CALN1: variants seen among roughly 807,000 people sequenced by gnomAD.
CALN1 encodes calneuron 1, also known as calcium-binding protein 8.
Under a neutral mutation model 30.6 loss-of-function variants are expected in CALN1, and 17 were observed. The ratio of observed to expected loss-of-function variants is 0.56; its 90% CI spans 0.38 to 0.83. The LOEUF (loss-of-function observed/expected upper bound fraction) is 0.83. Ranked by LOEUF, CALN1 falls within the 40% of genes least tolerant of loss-of-function variation. The probability of loss-of-function intolerance (pLI) is 0.00; values close to 1 mark genes in which losing one functional copy is unlikely to be tolerated. For missense variants in CALN1, 291 were observed against 354.9 expected, an observed-to-expected ratio of 0.82 and a Z score of 1.45; for synonymous variants, 156 against 131.4, an observed-to-expected ratio of 1.19 and a Z score of -1.28.
intron 5 of CALN1, among the ~76,000 whole-genome samples, chr7:71,974,260 C>T (rs1797990486): frequency 1.3e-5 from 2 of 151,740 alleles, no homozygotes; most frequent in East Asian, 3.9e-4. Context: ...TTTACTAAAA[C>T]TACAAAACTT....
intron 2 of CALN1, among the ~76,000 whole-genome samples, chr7:72,398,005 T>C (rs1319604626): frequency 1.3e-5 from 2 of 152,080 alleles, no homozygotes; most frequent in Admixed American, 6.6e-5. Context: ...TCGGCACCAC[T>C]GAAGTCCAGA....
intron 5 of CALN1, among the ~76,000 whole-genome samples, chr7:71,819,451 G>A (rs558742246): frequency 9.2e-5 from 14 of 152,170 alleles, no homozygotes; most frequent in African/African-American, 2.9e-4. Flanking sequence ...TGATCTGCCC[G>A]CCTTGGCCTC....
At chr7:72,377,593 ATTGT>A (rs559650307) in intron 2 of CALN1, among the ~76,000 whole-genome samples, 49 of 152,078 alleles carry the variant, frequency 3.2e-4, no homozygotes, top group South Asian at 1.0e-3. Context: ...TATTTTAGTT[ATTGT>A]TTGTTTGTTT....
intron 5 of CALN1, among the ~76,000 whole-genome samples, chr7:71,955,930 C>T (rs79577971): frequency 0.014 from 2,058 of 151,698 alleles, 30 homozygotes; most frequent in Middle Eastern, 0.031. Context: ...ATCTCAGAGC[C>T]GGCAGTTTCA....
chr7:72,073,128 A>G (rs1804512891), intron 4 of CALN1, among the ~76,000 whole-genome samples: 1 of 152,212 alleles, frequency 6.6e-6, no homozygotes, highest in African/African-American at 2.4e-5. Context: ...ATTTTATGAT[A>G]AGTGAAATAA....
chr7:72,235,740 C>A (rs1794435744), intron 3 of CALN1, among the ~76,000 whole-genome samples: 2 of 142,210 alleles, frequency 1.4e-5, no homozygotes, highest in African/African-American at 5.2e-5. Flanking sequence ...TGTTATTAAG[C>A]CTGTCAATCA....
intron 2 of CALN1, among the ~76,000 whole-genome samples, chr7:72,319,500 T>TG (rs1282794842): frequency 6.6e-6 from 1 of 152,048 alleles, no homozygotes; most frequent in African/African-American, 2.4e-5. Context: ...CCACAACATG[T>TG]GGGAATTCAA....
At chr7:72,260,802 TG>T (rs1796216257) in intron 3 of CALN1, among the ~76,000 whole-genome samples, 1 of 152,104 alleles carries the variant, frequency 6.6e-6, no homozygotes, top group African/African-American at 2.4e-5. Context: ...CAGCACCAGA[TG>T]GCAGAGAAGC....
chr7:72,185,007 G>A (rs1790079302), intron 3 of CALN1, among the ~76,000 whole-genome samples: 1 of 151,960 alleles, frequency 6.6e-6, no homozygotes, highest in South Asian at 2.1e-4. Context: ...GTCTCACTGT[G>A]TTGTCCAGGC....
intron 5 of CALN1, among the ~76,000 whole-genome samples, chr7:71,938,028 G>A (rs770140281): frequency 1.3e-5 from 2 of 152,180 alleles, no homozygotes; most frequent in Admixed American, 6.5e-5. Context: ...GACGTTTTAC[G>A]CAACATCTGG....
At chr7:72,088,996 G>A (rs564451335) in intron 4 of CALN1, among the ~76,000 whole-genome samples, 34 of 151,886 alleles carry the variant, frequency 2.2e-4, no homozygotes, top group Non-Finnish European at 4.4e-4. Flanking sequence ...TTAAAAATAA[G>A]AAACAGAAAA....
rs1373025288 is a variant in CALN1 at position 71,782,519 on chromosome 7, G to C, written c.*5256C>G. 3 of 152,134 alleles carry C rather than the reference G, an allele frequency of 2.0e-5. No individual in the cohort carries two copies. The East Asian group carries it at 5.8e-4, about 29-fold the overall frequency. The allele number at this position is 152,134 out of a possible 1,614,324, so 9.4% of individuals were successfully genotyped here. Reference sequence around the variant, plus strand: ...CCCAGTGTTAAGGTATTCCTTTATAGCAATGCAAAACGGACTAACATACAC... The same window carrying C: ...CCCAGTGTTAAGGTATTCCTTTATACCAATGCAAAACGGACTAACATACAC... On this transcript the variant is annotated 3_prime_UTR_variant, in exon 7 of 7. Coordinates refer to ENST00000395275, the MANE Select transcript of CALN1 (RefSeq NM_031468.4).
intron 3 of CALN1, among the ~76,000 whole-genome samples, chr7:72,112,306 T>C (rs983146280): frequency 6.6e-6 from 1 of 152,178 alleles, no homozygotes; most frequent in African/African-American, 2.4e-5. Context: ...CCACCTCAAA[T>C]TGGTAATGAA....
chr7:72,483,599 C>T, the CALN1 span, among the ~76,000 whole-genome samples: 1 of 152,118 alleles, frequency 6.6e-6, no homozygotes, highest in Non-Finnish European at 1.5e-5. Flanking sequence ...CCTGATGTTT[C>T]TTGTGCCTTG....
chr7:71,861,191 G>A (rs996327506), intron 5 of CALN1, among the ~76,000 whole-genome samples: 4 of 151,794 alleles, frequency 2.6e-5, no homozygotes, highest in African/African-American at 4.8e-5. Context: ...GTGTGTGTGT[G>A]CGTGTGTGTG....
At chr7:72,311,005 T>G (rs1208791037) in intron 2 of CALN1, among the ~76,000 whole-genome samples, 1 of 151,986 alleles carries the variant, frequency 6.6e-6, no homozygotes, top group Admixed American at 6.6e-5. Flanking sequence ...CGGGTGTACT[T>G]ATGCATGGAA....
intron 3 of CALN1, among the ~76,000 whole-genome samples, chr7:72,151,985 T>C (rs1018768045): frequency 1.3e-5 from 2 of 150,970 alleles, no homozygotes; most frequent in African/African-American, 4.9e-5. Context: ...TTCGGCTCAC[T>C]GTAACCTCCA....
chr7:72,076,781 CAGGTTGGGTGA>C (rs1475083640), intron 4 of CALN1, among the ~76,000 whole-genome samples: 1 of 151,912 alleles, frequency 6.6e-6, no homozygotes, highest in East Asian at 1.9e-4. Flanking sequence ...AAACCAATTC[CAGGTTGGGTGA>C]AGGGAACTTT....
At chr7:72,273,786 C>T (rs1202384286) in intron 3 of CALN1, among the ~76,000 whole-genome samples, 1 of 152,044 alleles carries the variant, frequency 6.6e-6, no homozygotes, top group Admixed American at 6.6e-5. Flanking sequence ...GCTGGGATTA[C>T]ATAGGCATGA....
Sources: allele counts gnomAD v4.1 joint callset (sites outside exome capture counted in the v4.1 genomes callset), GRCh38; gene constraint gnomAD v4.1.1; transcripts MANE v1.5; gene names NCBI Gene and HGNC (gene_info 2026-07-23, HGNC 2026-07-21).